SLFN12L: variants seen among roughly 807,000 people sequenced by gnomAD.
SLFN12L encodes schlafen family member 12-like.
In SLFN12L, 34 loss-of-function variants were observed where a neutral mutation model predicts 34.8. The ratio of observed to expected loss-of-function variants is 0.98; its 90% CI spans 0.74 to 1.30. The LOEUF (loss-of-function observed/expected upper bound fraction) is 1.30. Ranked by LOEUF, SLFN12L falls within the 50% of genes most tolerant of loss-of-function variation. The pLI, the probability that SLFN12L is intolerant of heterozygous loss-of-function variation, is 0.00. For missense variants in SLFN12L, 703 were observed against 696.2 expected, an observed-to-expected ratio of 1.01 and a Z score of -0.11; for synonymous variants, 259 against 247.5, an observed-to-expected ratio of 1.05 and a Z score of -0.44.
intron 2 of SLFN12L, among the ~76,000 whole-genome samples, chr17:35,486,648 G>T (rs1049036765): frequency 6.6e-6 from 1 of 152,092 alleles, no homozygotes; most frequent in Non-Finnish European, 1.5e-5. Flanking sequence ...AATCTCTAGG[G>T]CCTAAAACTC....
intron 2 of SLFN12L, among the ~76,000 whole-genome samples, chr17:35,485,355 A>G (rs190062778): frequency 6.6e-6 from 1 of 152,228 alleles, no homozygotes; most frequent in East Asian, 1.9e-4. Context: ...TGCCCTTTGC[A>G]CATTTTTTAA....
At chr17:35,509,754 G>C (rs932173297) in intron 2 of SLFN12L, among the ~76,000 whole-genome samples, 1 of 151,492 alleles carries the variant, frequency 6.6e-6, no homozygotes, top group Non-Finnish European at 1.5e-5. Context: ...TTGGAGTGCA[G>C]TGGCGTGATC....
At chr17:35,516,109 T>A (rs1001276431) in intron 2 of SLFN12L, among the ~76,000 whole-genome samples, 1 of 152,170 alleles carries the variant, frequency 6.6e-6, no homozygotes, top group Non-Finnish European at 1.5e-5. Context: ...GACATTAATA[T>A]CCTTATTTTC....
chr17:35,517,008 C>A (rs1442828233), intron 2 of SLFN12L, among the ~76,000 whole-genome samples: 1 of 152,224 alleles, frequency 6.6e-6, no homozygotes, highest in Non-Finnish European at 1.5e-5. Context: ...GCACCAGCCA[C>A]ATAGCAAGCA....
chr17:35,515,115 G>C, intron 2 of SLFN12L: 1 of 629,096 alleles, frequency 1.6e-6, no homozygotes, highest in South Asian at 1.4e-5. Context: ...GTCTTTTGCG[G>C]TCGAAGTAGA....
chr17:35,498,496 C>A lies in SLFN12L; in HGVS notation c.87-18301G>T, dbSNP rs913533609. The A allele has an allele frequency of 4.2e-6, 5 of 1,202,186 alleles. No individual in the cohort carries two copies. In the Admixed American group the frequency reaches 6.7e-5, roughly 16 times the overall value. The allele number at this position is 1,202,186 out of a possible 1,614,324, so 74.5% of individuals were successfully genotyped here. On this transcript the variant is annotated intron_variant, in intron 2 of 4. Coordinates refer to ENST00000628453, the MANE Select transcript of SLFN12L (RefSeq NM_001363830.2). ...TCCCCGCATAGCCACGAAGTGATGCCTCTCCTTTATCCTCTCTTTGTCTGC... is the reference window on the plus strand; with the variant it reads ...TCCCCGCATAGCCACGAAGTGATGCATCTCCTTTATCCTCTCTTTGTCTGC...
chr17:35,529,119 G>T (rs2072366183), intron 1 of SLFN12L, among the ~76,000 whole-genome samples: 1 of 152,192 alleles, frequency 6.6e-6, no homozygotes, highest in Non-Finnish European at 1.5e-5. Context: ...GGTCATTAGA[G>T]AAAAGCAAAT....
intron 2 of SLFN12L, chr17:35,499,264 A>G: frequency 1.2e-6 from 1 of 810,370 alleles, no homozygotes; most frequent in Non-Finnish European, 1.8e-6. Context: ...CTTAGAATGG[A>G]CTTCCTAATT....
Position 35,522,677 on chromosome 17 carries a change from A to G in SLFN12L, c.-313T>C, listed in dbSNP as rs570003484. ...AGGCAGAGGACCTTGGCCCTGACAC[A>G]CACCTCCCCAGTGTAGCCCCCCATG... is the stretch of plus-strand genomic sequence containing the variant. On this transcript the variant is annotated 5_prime_UTR_variant, in exon 2 of 5. Coordinates refer to ENST00000628453, the MANE Select transcript of SLFN12L (RefSeq NM_001363830.2). 6.2e-7 allele frequency: 1 copy of G among 1,613,964 alleles called. No individual in the cohort carries two copies. Among genetic ancestry groups the G allele is most frequent in the Non-Finnish European group, 8.5e-7 (1 of 1,179,958 alleles).
Position 35,475,065 on chromosome 17 carries a change from T to C in SLFN12L, c.1697A>G (p.Tyr566Cys), listed in dbSNP as rs764587855. 1 of 1,613,912 alleles carries C rather than the reference T, an allele frequency of 6.2e-7. No individual in the cohort carries two copies. Among genetic ancestry groups the C allele is most frequent in the Non-Finnish European group, 8.5e-7 (1 of 1,179,860 alleles). ...NSQVIYPESY[Y>C]WTTAQTMKDL... is the part of the protein sequence containing the mutation. ...TTTCATTGTTTGAGCTGTTGTCCAATAGTAGGATTCAGGGTAAATTACTTG... is the reference window on the plus strand; with the variant it reads ...TTTCATTGTTTGAGCTGTTGTCCAACAGTAGGATTCAGGGTAAATTACTTG... Residue 566 changes from tyrosine (Y) to cysteine (C), a missense_variant, in exon 5 of 5, where the codon TAT (tyrosine) becomes TGT (cysteine). By Grantham distance (194) the Tyr-to-Cys change is radical. Transcript: ENST00000628453.
rs1379929228 is a variant in SLFN12L, at chr17:35,469,341, A to T, written c.*5582T>A. ...TTATATATATAAATATATATATAAT[A>T]TATATATATATGTATTTCAAACTTT... is the stretch of plus-strand genomic sequence containing the variant. On this transcript the variant is annotated 3_prime_UTR_variant, in exon 5 of 5. Transcript: ENST00000628453. 6.8e-5 allele frequency among the ~76,000 whole-genome samples: 9 copies of T among 132,126 alleles called. No homozygotes were observed. In the South Asian group the frequency reaches 1.3e-3, roughly 19 times the overall value. The allele number at this position is 132,126 out of a possible 152,430, so 86.7% of individuals were successfully genotyped here.
intron 1 of SLFN12L, among the ~76,000 whole-genome samples, chr17:35,531,901 C>T (rs2142179332): frequency 6.6e-6 from 1 of 152,074 alleles, no homozygotes; most frequent in South Asian, 2.1e-4. Context: ...TCCCAAAGTG[C>T]TGGGATTATA....
chr17:35,510,680 A>G (rs966657514), intron 2 of SLFN12L, among the ~76,000 whole-genome samples: 7 of 152,208 alleles, frequency 4.6e-5, no homozygotes, highest in Non-Finnish European at 8.8e-5. Context: ...CTGTGAATGT[A>G]CTAAAAATTA....
chr17:35,483,186 C>T (rs1286148558), intron 2 of SLFN12L, among the ~76,000 whole-genome samples: 1 of 152,162 alleles, frequency 6.6e-6, no homozygotes, highest in East Asian at 1.9e-4. Flanking sequence ...AGCTACCCTC[C>T]CCAGGGCCTC....
chr17:35,521,674 A>G (rs960380570), intron 2 of SLFN12L, among the ~76,000 whole-genome samples: 31 of 152,172 alleles, frequency 2.0e-4, no homozygotes, highest in African/African-American at 5.8e-4. Context: ...ATGGTGAACT[A>G]TGATCACTCC....
Position 35,468,587 on chromosome 17 carries a change from T to A in SLFN12L, c.*6336A>T, listed in dbSNP as rs1913752658. Reference sequence around the variant, plus strand: ...GCCTTTTTTCCTTTGATATCAGGGATTCTATTGTGTTTCTGAGTGTGCTGT... The same window carrying A: ...GCCTTTTTTCCTTTGATATCAGGGAATCTATTGTGTTTCTGAGTGTGCTGT... On this transcript the variant is annotated 3_prime_UTR_variant, in exon 5 of 5. Transcript: ENST00000628453. Among the ~76,000 whole-genome samples the A allele has an allele frequency of 6.6e-6, 1 of 152,188 alleles. No individual in the cohort carries two copies. Among genetic ancestry groups the A allele is most frequent in the Admixed American group, 6.5e-5 (1 of 15,278 alleles).
intron 2 of SLFN12L, among the ~76,000 whole-genome samples, chr17:35,516,082 G>A (rs1915819169): frequency 6.6e-6 from 1 of 151,904 alleles, no homozygotes; most frequent in Non-Finnish European, 1.5e-5. Context: ...ATCAATATAG[G>A]ACCATAGAAT....
chr17:35,525,871 T>G (rs2072329665), intron 1 of SLFN12L, among the ~76,000 whole-genome samples: 1 of 152,166 alleles, frequency 6.6e-6, no homozygotes, highest in Non-Finnish European at 1.5e-5. Context: ...TAACCTTAAA[T>G]GTAAATGGGC....
At chr17:35,504,887 T>C (rs1042822438) in intron 2 of SLFN12L, among the ~76,000 whole-genome samples, 2 of 152,248 alleles carry the variant, frequency 1.3e-5, no homozygotes, top group African/African-American at 4.8e-5. Flanking sequence ...GGACCTTTAC[T>C]AGGCACTGTG....
Sources: allele counts gnomAD v4.1 joint callset (sites outside exome capture counted in the v4.1 genomes callset), GRCh38; gene constraint gnomAD v4.1.1; transcripts MANE v1.5; gene names NCBI Gene and HGNC (gene_info 2026-07-23, HGNC 2026-07-21).